The following NPR3 variants were observed in gnomAD, a reference collection of about 807,000 sequenced individuals.
The protein encoded by NPR3 is natriuretic peptide receptor 3.
NPR3 carries 34 observed loss-of-function variants against 54.5 expected under a neutral mutation model. The observed-to-expected ratio is 0.62, with a 90% CI of 0.47 to 0.83. The LOEUF (loss-of-function observed/expected upper bound fraction) is 0.83, where lower values mean the gene tolerates loss of function less well. NPR3 is among the 40% of genes least tolerant of loss of function. The probability of loss-of-function intolerance (pLI) is 0.00; values close to 1 mark genes in which losing one functional copy is unlikely to be tolerated. For synonymous variants in NPR3, 289 were observed against 297.1 expected (o/e 0.97, Z 0.28); for missense variants, 674 against 720.8 (o/e 0.94, Z 0.74).
intron 5 of NPR3, among the ~76,000 whole-genome samples, chr5:32,781,374 C>T (rs918414118): frequency 6.6e-6 from 1 of 152,170 alleles, no homozygotes; most frequent in African/African-American, 2.4e-5. Context: ...AAAGTACTAT[C>T]TACATTTTAA....
At chr5:32,724,359 C>T (rs1739025213) in intron 1 of NPR3, among the ~76,000 whole-genome samples, 1 of 152,162 alleles carries the variant, frequency 6.6e-6, no homozygotes, top group African/African-American at 2.4e-5. Flanking sequence ...AGAGCGTAGG[C>T]CGATTTTCTA....
At chr5:32,771,489 T>C (rs1247605912) in intron 3 of NPR3, among the ~76,000 whole-genome samples, 1 of 152,166 alleles carries the variant, frequency 6.6e-6, no homozygotes, top group African/African-American at 2.4e-5. Flanking sequence ...TAATCTTTCT[T>C]CCTATCCTGG....
intron 1 of NPR3, among the ~76,000 whole-genome samples, chr5:32,717,390 A>G (rs924871072): frequency 6.6e-6 from 1 of 152,212 alleles, no homozygotes; most frequent in Non-Finnish European, 1.5e-5. Flanking sequence ...GCTGGGTCAA[A>G]TGAGAATTCT....
chr5:32,759,206 T>A (rs1005430059), intron 3 of NPR3, among the ~76,000 whole-genome samples: 1 of 152,206 alleles, frequency 6.6e-6, no homozygotes, highest in Non-Finnish European at 1.5e-5. Flanking sequence ...CAGTGGGGTG[T>A]TAAAGTTTCC....
intron 3 of NPR3, among the ~76,000 whole-genome samples, chr5:32,742,896 G>C (rs760544910): frequency 1.3e-5 from 2 of 151,924 alleles, no homozygotes; most frequent in African/African-American, 4.8e-5. Context: ...TTTACTTTAG[G>C]CGTTATGTAT....
chr5:32,718,224 G>A (rs1156942481), intron 1 of NPR3, among the ~76,000 whole-genome samples: 1 of 152,194 alleles, frequency 6.6e-6, no homozygotes, highest in Non-Finnish European at 1.5e-5. Flanking sequence ...CTGGTGCCAT[G>A]CTGTTTTGGT....
At position 32,711,627 on chromosome 5, in the gene NPR3, G is replaced by T; in HGVS notation, c.-150G>T. ...AAGGACGCTTCCTCTCTATCTTTTGGCGCATTAGTGAAGGGGGTATTCTAT... is the reference window on the plus strand; with the variant it reads ...AAGGACGCTTCCTCTCTATCTTTTGTCGCATTAGTGAAGGGGGTATTCTAT... On this transcript the variant is annotated 5_prime_UTR_variant, in exon 1 of 8. Transcript: ENST00000265074. 8.0e-7 allele frequency: 1 copy of T among 1,254,908 alleles called. No homozygotes were observed. The highest frequency in any genetic ancestry group is 1.0e-6 in the Non-Finnish European group (1 of 1,003,898). The allele number at this position is 1,254,908 out of a possible 1,614,324, so 77.7% of individuals were successfully genotyped here.
At chr5:32,707,178 A>G (rs542082625), upstream of NPR3, among the ~76,000 whole-genome samples, 1 of 151,828 alleles carries the variant, frequency 6.6e-6, no homozygotes, top group South Asian at 2.1e-4. Flanking sequence ...TGAAAAAAAG[A>G]TGGTAGTTGA....
At position 32,712,569 on chromosome 5, in the gene NPR3, C is replaced by T. The variant is rs767656835; in HGVS notation, c.769+24C>T. ...AGGTGAGCAGGGGCGCGTCCCGGGCCCCGGGCCCTAACCCAACCGCTCTCC... is the reference window on the plus strand; with the variant it reads ...AGGTGAGCAGGGGCGCGTCCCGGGCTCCGGGCCCTAACCCAACCGCTCTCC... On this transcript the variant is annotated intron_variant, in intron 1 of 7. Coordinates refer to ENST00000265074, the MANE Select transcript of NPR3 (RefSeq NM_001204375.2). The T allele has an allele frequency of 4.7e-6, 7 of 1,501,990 alleles. No homozygotes were observed. In the Admixed American group the frequency reaches 1.5e-4, roughly 32 times the overall value. 93.0% of individuals were successfully genotyped at this position (1,501,990 alleles called of 1,614,324 possible).
upstream of NPR3, among the ~76,000 whole-genome samples, chr5:32,706,862 A>G (rs967819454): frequency 6.6e-6 from 1 of 152,182 alleles, no homozygotes. Flanking sequence ...GATAAACTAC[A>G]TGGTTGGGAT....
chr5:32,782,744 C>T (rs1256925954), intron 5 of NPR3, 149 bp from the exon 6 acceptor site: 2 of 728,372 alleles, frequency 2.7e-6, no homozygotes, highest in South Asian at 2.1e-5. Context: ...ACTTGCTGTC[C>T]TTGCCCTGGA....
intron 4 of NPR3, among the ~76,000 whole-genome samples, chr5:32,777,080 G>A (rs1036208217): frequency 2.0e-5 from 3 of 152,200 alleles, no homozygotes; most frequent in African/African-American, 7.2e-5. Flanking sequence ...AGTTTGACAG[G>A]CAGTGTGATA....
chr5:32,714,222 C>A (rs1738424388), intron 1 of NPR3, among the ~76,000 whole-genome samples: 1 of 152,268 alleles, frequency 6.6e-6, no homozygotes, highest in Non-Finnish European at 1.5e-5. Flanking sequence ...CTGACTCGTC[C>A]GTAATGTCAC....
chr5:32,729,435 G>A (rs1411449269), intron 2 of NPR3, among the ~76,000 whole-genome samples: 1 of 152,108 alleles, frequency 6.6e-6, no homozygotes, highest in Non-Finnish European at 1.5e-5. Flanking sequence ...GGAACATTTT[G>A]GATTTCCCAC....
At chr5:32,768,853 CG>C (rs1324426172) in intron 3 of NPR3, among the ~76,000 whole-genome samples, 3 of 152,148 alleles carry the variant, frequency 2.0e-5, no homozygotes, top group Non-Finnish European at 4.4e-5. Context: ...TAACTTCAGT[CG>C]GGGGAGCAAG....
intron 3 of NPR3, among the ~76,000 whole-genome samples, chr5:32,747,684 T>A (rs762359556): frequency 2.0e-5 from 3 of 152,138 alleles, no homozygotes; most frequent in Middle Eastern, 3.4e-3. Flanking sequence ...CTCTCTTATA[T>A]CTCTTTTCTC....
At chr5:32,703,327 G>A (rs538732038) in intron 1 of NPR3, among the ~76,000 whole-genome samples, 7 of 152,156 alleles carry the variant, frequency 4.6e-5, no homozygotes, top group South Asian at 2.1e-4. Flanking sequence ...CCAAAAGCCC[G>A]TTTAGTGTTC....
At chr5:32,770,021 G>C (rs1741671183) in intron 3 of NPR3, among the ~76,000 whole-genome samples, 1 of 152,206 alleles carries the variant, frequency 6.6e-6, no homozygotes, top group South Asian at 2.1e-4. Context: ...CCCCATGATA[G>C]AGGATCTAAA....
At chr5:32,778,425 AC>A (rs1742179223) in intron 4 of NPR3, among the ~76,000 whole-genome samples, 1 of 152,176 alleles carries the variant, frequency 6.6e-6, no homozygotes, top group Non-Finnish European at 1.5e-5. Context: ...TTGAATGGTC[AC>A]CATTAAGTGA....
Sources: gnomAD v4.1 joint callset for allele counts (sites outside exome capture counted in the v4.1 genomes callset) on GRCh38, gnomAD v4.1.1 for gene constraint, MANE v1.5 for transcripts, NCBI Gene and HGNC (gene_info 2026-07-23, HGNC 2026-07-21) for gene names.